The following NFIX variants were observed in gnomAD, a reference collection of about 807,000 sequenced individuals.
The protein encoded by NFIX is nuclear factor 1 X-type.
NFIX carries 2 observed loss-of-function variants against 53.3 expected under a neutral mutation model. That is an observed-to-expected ratio of 0.04 (90% CI 0.02 to 0.12). The LOEUF is 0.12. NFIX is among the 10% of genes least tolerant of loss of function. The pLI is 1.00. For synonymous variants in NFIX, 244 were observed against 289.0 expected (o/e 0.84, Z 1.58); for missense variants, 310 against 674.5 (o/e 0.46, Z 5.99).
chr19:13,056,233 G>A (rs947695718), intron 2 of NFIX, among the ~76,000 whole-genome samples: 4 of 152,290 alleles, frequency 2.6e-5, no homozygotes, highest in South Asian at 2.1e-4. Context: ...CCCCCCCACC[G>A]CCCCGTTCTA....
chr19:13,015,454 T>C (rs1457633475), intron 1 of NFIX, among the ~76,000 whole-genome samples: 1 of 152,088 alleles, frequency 6.6e-6, no homozygotes, highest in Admixed American at 6.5e-5. Flanking sequence ...TGCTCTCTTC[T>C]CTTGATGCCA....
At chr19:12,997,684 C>T (rs976749758) in intron 1 of NFIX, among the ~76,000 whole-genome samples, 4 of 152,254 alleles carry the variant, frequency 2.6e-5, no homozygotes, top group African/African-American at 7.2e-5. Flanking sequence ...GGCTGCCAGC[C>T]CGGCCTCCCA....
At chr19:13,079,629 C>T (rs1408025179) in intron 7 of NFIX, among the ~76,000 whole-genome samples, 1 of 152,056 alleles carries the variant, frequency 6.6e-6, no homozygotes, top group African/African-American at 2.4e-5. Flanking sequence ...GCTGGGAGCC[C>T]AGAGGCAGCC....
rs564287801 is a variant in NFIX, at chr19:13,027,988, G to A, written c.559+2436G>A. 1.3e-5 allele frequency among the ~76,000 whole-genome samples: 2 copies of A among 152,366 alleles called. No homozygotes were observed. Among genetic ancestry groups the A allele is most frequent in the South Asian group, 4.1e-4 (2 of 4,834 alleles). On this transcript the variant is annotated intron_variant, in intron 2 of 10. Transcript: ENST00000592199. This position sits in a 1 kb window ranked among gnomAD's most constrained non-coding sequence, Gnocchi z 4.3. Reference sequence around the variant, plus strand: ...GTGCCTTCCTGAAGTGAGTTGAGGCGAGTTGGCGCAGCCCGGGCCACCAGT... The same window carrying A: ...GTGCCTTCCTGAAGTGAGTTGAGGCAAGTTGGCGCAGCCCGGGCCACCAGT...
intron 1 of NFIX, among the ~76,000 whole-genome samples, chr19:13,010,360 C>T (rs1392557080): frequency 1.3e-5 from 2 of 152,240 alleles, no homozygotes; most frequent in Admixed American, 6.5e-5. Context: ...CGCTCATGCA[C>T]GTCCCTGTCT....
At chr19:13,092,919 G>A (rs2018231277) in intron 10 of NFIX, among the ~76,000 whole-genome samples, 1 of 152,246 alleles carries the variant, frequency 6.6e-6, no homozygotes, top group Non-Finnish European at 1.5e-5. Flanking sequence ...CTTGGGGCAG[G>A]TGCTCGAGGA....
chr19:13,092,697 G>C (rs2018215759), intron 10 of NFIX, among the ~76,000 whole-genome samples: 1 of 152,232 alleles, frequency 6.6e-6, no homozygotes, highest in Non-Finnish European at 1.5e-5. Context: ...CTTGGGAAGG[G>C]GGTCCCAGGG....
intron 1 of NFIX, among the ~76,000 whole-genome samples, chr19:13,017,103 G>T (rs1423797270): frequency 6.6e-6 from 1 of 152,224 alleles, no homozygotes; most frequent in Admixed American, 6.5e-5. Flanking sequence ...GTGCTGAATC[G>T]GGTCATAGAG....
In NFIX at chr19:13,023,876, A is replaced by G. The variant is rs1599734809; in HGVS notation, c.28-1145A>G. 6 of 645,988 alleles carry G rather than the reference A, an allele frequency of 9.3e-6. 1 individual carries two copies. In the East Asian group the frequency reaches 1.7e-4, roughly 18 times the overall value. 40.0% of individuals were successfully genotyped at this position (645,988 alleles called of 1,614,324 possible). A position where few individuals can be genotyped will look rare whatever the true frequency, so the allele number is the denominator to read the frequency against. On this transcript the variant is annotated intron_variant, in intron 1 of 10. Coordinates refer to ENST00000592199, the MANE Select transcript of NFIX (RefSeq NM_001365902.3). ...GAGAATCCACCCAAGCCCGGCCCCT[A>G]TTCCCCAGAACACCAATAATAACCC... is the stretch of plus-strand genomic sequence containing the variant.
chr19:13,072,978 C>T lies in NFIX; in HGVS notation c.560-69C>T. 6.9e-7 allele frequency: 1 copy of T among 1,452,598 alleles called. No individual in the cohort carries two copies. The allele number at this position is 1,452,598 out of a possible 1,614,324, so 90.0% of individuals were successfully genotyped here. ...CTGCTCTTGCACCAGGCTGGAGGGG[C>T]CAATGCTTGGCTGGTGCTTATGGGG... On this transcript the variant is annotated intron_variant, in intron 2 of 10. Transcript: ENST00000592199. The surrounding 1 kb of genome is among the most constrained non-coding windows in gnomAD (Gnocchi z 4.0).
chr19:13,036,552 G>T lies in NFIX; in HGVS notation c.559+11000G>T, dbSNP rs183699091. Among the ~76,000 whole-genome samples the T allele has an allele frequency of 1.3e-5, 2 of 152,258 alleles. No homozygotes were observed. The highest frequency in any genetic ancestry group is 1.9e-4 in the East Asian group (1 of 5,174). On this transcript the variant is annotated intron_variant, in intron 2 of 10. Transcript: ENST00000592199. The surrounding 1 kb of genome is among the most constrained non-coding windows in gnomAD (Gnocchi z 4.7). ...TGGACTGGGCGGAGCTGTGTGGAGC[G>T]ATCGGGAGATCCCCGGAGGCGACCT...
intron 2 of NFIX, among the ~76,000 whole-genome samples, chr19:13,029,147 C>T (rs1282459772): frequency 2.6e-5 from 4 of 152,180 alleles, no homozygotes; most frequent in Non-Finnish European, 5.9e-5. Flanking sequence ...TGCCAGCAAT[C>T]GCCAGATCAC....
rs1317784857 is a variant in NFIX at position 13,068,607 on chromosome 19, T to A, written c.560-4440T>A. 6.6e-6 allele frequency among the ~76,000 whole-genome samples: 1 copy of A among 152,228 alleles called. No individual in the cohort carries two copies. The highest frequency in any genetic ancestry group is 2.4e-5 in the African/African-American group (1 of 41,468). ...CCCACAAGCTGTTGTTGCTGTGGAA[T>A]GACCAGTGGTGTGCAGATGAATACA... is the stretch of plus-strand genomic sequence containing the variant. On this transcript the variant is annotated intron_variant, in intron 2 of 10. Coordinates refer to ENST00000592199, the MANE Select transcript of NFIX (RefSeq NM_001365902.3). This position sits in a 1 kb window ranked among gnomAD's most constrained non-coding sequence, Gnocchi z 4.2.
chr19:13,066,751 G>A lies in NFIX; in HGVS notation c.560-6296G>A, dbSNP rs1427692609. On this transcript the variant is annotated intron_variant, in intron 2 of 10. Coordinates refer to ENST00000592199, the MANE Select transcript of NFIX (RefSeq NM_001365902.3). This position sits in a 1 kb window ranked among gnomAD's most constrained non-coding sequence, Gnocchi z 4.2. ...TGTGTGTGCATGTGTGTGTGTGTTT[G>A]TGCACATGTGTGTGTGCACATGCAT... is the stretch of plus-strand genomic sequence containing the variant. 6.6e-6 allele frequency among the ~76,000 whole-genome samples: 1 copy of A among 152,124 alleles called. No homozygotes were observed. Among genetic ancestry groups the A allele is most frequent in the East Asian group, 1.9e-4 (1 of 5,184 alleles).
At chr19:13,039,588 T>A (rs1568282836) in intron 2 of NFIX, among the ~76,000 whole-genome samples, 1 of 152,130 alleles carries the variant, frequency 6.6e-6, no homozygotes, top group Non-Finnish European at 1.5e-5. Flanking sequence ...TGCCTTTACA[T>A]GTCTTGTCAC....
In NFIX at chr19:13,094,695, G is replaced by T; in HGVS notation, c.*46G>T. ...ACAAAATGAGAAGAAGAGGTTCCTC[G>T]AAAGGGGGGAGAAGAAATTTTGAGA... On this transcript the variant is annotated 3_prime_UTR_variant, in exon 11 of 11. Coordinates refer to ENST00000592199, the MANE Select transcript of NFIX (RefSeq NM_001365902.3). This position sits in a 1 kb window ranked among gnomAD's most constrained non-coding sequence, Gnocchi z 4.3. 6.6e-7 allele frequency: 1 copy of T among 1,526,562 alleles called. No homozygotes were observed. Among genetic ancestry groups the T allele is most frequent in the Middle Eastern group, 1.7e-4 (1 of 5,942 alleles). The allele number at this position is 1,526,562 out of a possible 1,614,324, so 94.6% of individuals were successfully genotyped here. A position where few individuals can be genotyped will look rare whatever the true frequency, so the allele number is the denominator to read the frequency against.
chr19:13,080,868 T>C (rs1485695170), intron 7 of NFIX, among the ~76,000 whole-genome samples: 10 of 151,622 alleles, frequency 6.6e-5, no homozygotes, highest in South Asian at 2.1e-4. Flanking sequence ...GGCGTGGTGG[T>C]GGGCGCCTGT....
In NFIX at chr19:13,067,287, T is replaced by C. The variant is rs2016466143; in HGVS notation, c.560-5760T>C. ...CCACTTGCTTCTGGAATGTCAGGCC[T>C]GGGAGGGCCAGGGGATGGGCAGGCA... On this transcript the variant is annotated intron_variant, in intron 2 of 10. Coordinates refer to ENST00000592199, the MANE Select transcript of NFIX (RefSeq NM_001365902.3). The surrounding 1 kb of genome is among the most constrained non-coding windows in gnomAD (Gnocchi z 4.2). 6.6e-6 allele frequency among the ~76,000 whole-genome samples: 1 copy of C among 152,166 alleles called. No homozygotes were observed. Among genetic ancestry groups the C allele is most frequent in the African/African-American group, 2.4e-5 (1 of 41,442 alleles).
rs1312670017 is a variant in NFIX, at chr19:13,089,390, A to G, written c.1403-909A>G. ...GGCCTGTTCCCTCCAGCAGGGCTCC[A>G]TCTGGACAACCTGAGAGGAACTCAG... On this transcript the variant is annotated intron_variant, in intron 9 of 10. Transcript: ENST00000592199. This position sits in a 1 kb window ranked among gnomAD's most constrained non-coding sequence, Gnocchi z 4.8. Among the ~76,000 whole-genome samples the G allele has an allele frequency of 3.9e-5, 6 of 152,112 alleles. No homozygotes were observed. Among genetic ancestry groups the G allele is most frequent in the African/African-American group, 1.4e-4 (6 of 41,406 alleles).
Sources: gnomAD v4.1 joint callset for allele counts (sites outside exome capture counted in the v4.1 genomes callset) on GRCh38, gnomAD v4.1.1 for gene constraint, Gnocchi (gnomAD v3.1) non-coding constraint, MANE v1.5 for transcripts, NCBI Gene and HGNC (gene_info 2026-07-23, HGNC 2026-07-21) for gene names.